The following PPP1R9A variants were observed in gnomAD, a reference collection of about 807,000 sequenced individuals.
PPP1R9A encodes the protein neurabin-1.
Under a neutral mutation model 141.9 loss-of-function variants are expected in PPP1R9A, and 59 were observed. The ratio of observed to expected loss-of-function variants is 0.42; its 90% CI spans 0.34 to 0.52. PPP1R9A has a LOEUF of 0.52. Among genes scored for constraint, PPP1R9A ranks in the 20% least tolerant of loss-of-function variants. The pLI is 0.10. For missense variants in PPP1R9A, 1,444 were observed against 1,611.9 expected (o/e 0.90, Z 1.78); for synonymous variants, 500 against 569.7 (o/e 0.88, Z 1.74).
chr7:95,110,800 A>C (rs1171786412), intron 2 of PPP1R9A, among the ~76,000 whole-genome samples: 6 of 152,210 alleles, frequency 3.9e-5, no homozygotes, highest in Non-Finnish European at 7.3e-5. Context: ...GGTCAGGTTC[A>C]GTGATCTTAT....
intron 4 of PPP1R9A, among the ~76,000 whole-genome samples, chr7:95,149,683 G>A (rs1045166480): frequency 4.6e-5 from 7 of 151,450 alleles, no homozygotes; most frequent in African/African-American, 1.7e-4. Context: ...TCTGAAGTCT[G>A]TATGAGGAAA....
chr7:95,279,423 G>A (rs2153069340), intron 16 of PPP1R9A, among the ~76,000 whole-genome samples: 1 of 152,284 alleles, frequency 6.6e-6, no homozygotes, highest in African/African-American at 2.4e-5. Context: ...AGTGAATGTA[G>A]TCATTTTCAT....
chr7:94,925,637 AG>A (rs2150766257), intron 2 of PPP1R9A, among the ~76,000 whole-genome samples: 1 of 152,158 alleles, frequency 6.6e-6, no homozygotes, highest in Admixed American at 6.5e-5. Context: ...CTTTTAAGAA[AG>A]TTTGTTTAAA....
At chr7:94,909,024 A>T (rs1241675973) in intron 1 of PPP1R9A, among the ~76,000 whole-genome samples, 1 of 152,206 alleles carries the variant, frequency 6.6e-6, no homozygotes, top group Non-Finnish European at 1.5e-5. Flanking sequence ...ATCTTGAAGT[A>T]TTTGATTGCT....
chr7:95,070,845 T>G (rs1813718023), intron 2 of PPP1R9A, among the ~76,000 whole-genome samples: 1 of 151,908 alleles, frequency 6.6e-6, no homozygotes. Context: ...GAAGTCATTA[T>G]ATGTATTCTA....
At chr7:95,156,516 G>T (rs968541642) in intron 4 of PPP1R9A, 1 of 152,462 alleles carries the variant, frequency 6.6e-6, no homozygotes, top group Non-Finnish European at 1.5e-5. Flanking sequence ...CTGCAACTAG[G>T]AAGCATGAGG....
At chr7:95,000,483 T>C (rs1158361035) in intron 2 of PPP1R9A, among the ~76,000 whole-genome samples, 1 of 152,196 alleles carries the variant, frequency 6.6e-6, no homozygotes, top group Admixed American at 6.5e-5. Context: ...TTTTATGTAG[T>C]AATTGATGCT....
intron 2 of PPP1R9A, among the ~76,000 whole-genome samples, chr7:95,060,914 G>A (rs762800355): frequency 3.3e-5 from 5 of 152,192 alleles, no homozygotes; most frequent in Non-Finnish European, 5.9e-5. Flanking sequence ...GTTAATCCCA[G>A]TATAACTCAC....
chr7:95,076,486 G>C (rs1814879864), intron 2 of PPP1R9A, among the ~76,000 whole-genome samples: 1 of 151,792 alleles, frequency 6.6e-6, no homozygotes, highest in Non-Finnish European at 1.5e-5. Flanking sequence ...GGATCTTTCT[G>C]GACTCTCTGT....
intron 4 of PPP1R9A, among the ~76,000 whole-genome samples, chr7:95,136,210 G>A (rs1409639917): frequency 6.6e-6 from 1 of 152,110 alleles, no homozygotes; most frequent in Admixed American, 6.6e-5. Flanking sequence ...CTTTAAGGTA[G>A]TCTAGAATCA....
At chr7:95,254,417 A>G (rs914881227) in intron 12 of PPP1R9A, among the ~76,000 whole-genome samples, 3 of 152,188 alleles carry the variant, frequency 2.0e-5, no homozygotes, top group South Asian at 2.1e-4. Context: ...AGGTTTAGAA[A>G]GGAAAGTAAG....
Position 95,111,250 on chromosome 7 carries a change from T to C in PPP1R9A, c.1396-9T>C. 6.3e-7 allele frequency: 1 copy of C among 1,592,158 alleles called. No homozygotes were observed. Among genetic ancestry groups the C allele is most frequent in the Non-Finnish European group, 8.5e-7 (1 of 1,169,794 alleles). Reference sequence around the variant, plus strand: ...TCTGTATTATCATCTTGTTGGCCTCTTACTACAGGTTTTCAACACATACTC... The same window carrying C: ...TCTGTATTATCATCTTGTTGGCCTCCTACTACAGGTTTTCAACACATACTC... On this transcript the variant is annotated splice_polypyrimidine_tract_variant and intron_variant, in intron 2 of 19. Transcript: ENST00000433360.
intron 18 of PPP1R9A, among the ~76,000 whole-genome samples, chr7:95,287,953 G>A (rs940615929): frequency 2.0e-5 from 3 of 152,156 alleles, no homozygotes; most frequent in African/African-American, 7.2e-5. Flanking sequence ...CTCCCGAAGT[G>A]CTGGGATTAC....
At chr7:95,098,419 C>G (rs568695974) in intron 2 of PPP1R9A, 8 of 151,676 alleles carry the variant, frequency 5.3e-5, no homozygotes, top group South Asian at 4.2e-4. Context: ...AAAAGACCAT[C>G]ATAGTACTGT....
intron 4 of PPP1R9A, among the ~76,000 whole-genome samples, chr7:95,141,354 AATTC>A (rs1006923001): frequency 7.2e-5 from 11 of 152,202 alleles, no homozygotes; most frequent in African/African-American, 2.7e-4. Flanking sequence ...ATTGATATGT[AATTC>A]ACATACCATA....
chr7:95,195,625 A>G (rs1046729306), intron 5 of PPP1R9A, among the ~76,000 whole-genome samples: 3 of 152,090 alleles, frequency 2.0e-5, no homozygotes, highest in African/African-American at 4.8e-5. Context: ...GAGAGATACA[A>G]TTTAAAAAAT....
intron 7 of PPP1R9A, among the ~76,000 whole-genome samples, chr7:95,207,674 AGAAAT>A (rs1791124296): frequency 6.6e-6 from 1 of 152,192 alleles, no homozygotes; most frequent in Non-Finnish European, 1.5e-5. Context: ...TAAATTGTAA[AGAAAT>A]GAAACTGTTA....
chr7:95,164,741 C>CTTTTTTTTT (rs200177321), intron 5 of PPP1R9A, among the ~76,000 whole-genome samples: 44 of 66,128 alleles, frequency 6.7e-4, no homozygotes, highest in African/African-American at 1.1e-3. Context: ...CTTTTCTTTT[C>CTTTTTTTTT]TTTTTTTTTT....
chr7:95,229,499 TC>T (rs1170384718), intron 8 of PPP1R9A, among the ~76,000 whole-genome samples: 2 of 151,704 alleles, frequency 1.3e-5, no homozygotes, highest in Non-Finnish European at 2.9e-5. Context: ...CTTCCGGCTT[TC>T]CCCCACTTCC....
Sources: gnomAD v4.1 joint callset for allele counts (sites outside exome capture counted in the v4.1 genomes callset) on GRCh38, gnomAD v4.1.1 for gene constraint, MANE v1.5 for transcripts, NCBI Gene and HGNC (gene_info 2026-07-23, HGNC 2026-07-21) for gene names.